Variants in METAP1 observed in about 807,000 individuals in gnomAD.
METAP1 encodes the protein methionine aminopeptidase 1.
Under a neutral mutation model 53.8 loss-of-function variants are expected in METAP1, and 28 were observed. The ratio of observed to expected loss-of-function variants is 0.52; its 90% CI spans 0.39 to 0.71. The LOEUF (loss-of-function observed/expected upper bound fraction) is 0.71. Ranked by LOEUF, METAP1 falls within the 30% of genes least tolerant of loss-of-function variation. METAP1 has a pLI of 0.00. For missense variants in METAP1, 389 were observed against 479.8 expected (o/e 0.81, Z 1.77); for synonymous variants, 181 against 165.7 (o/e 1.09, Z -0.71).
chr4:99,041,165 C>A, intron 6 of METAP1, 39 bp downstream of exon 6: 1 of 1,331,780 alleles, frequency 7.5e-7, no homozygotes, highest in Non-Finnish European at 1.0e-6. Context: ...AATTTTGTTA[C>A]ATTACTAGAT....
chr4:99,017,738 G>A (rs546951237), intron 1 of METAP1, among the ~76,000 whole-genome samples: 28 of 152,364 alleles, frequency 1.8e-4, no homozygotes, highest in Non-Finnish European at 2.9e-4. Context: ...CTTATGGGGT[G>A]TACTTACTGT....
intron 8 of METAP1, among the ~76,000 whole-genome samples, chr4:99,047,898 CT>C (rs1282109477): frequency 6.6e-6 from 1 of 152,192 alleles, no homozygotes; most frequent in Non-Finnish European, 1.5e-5. Flanking sequence ...CTTTCCTGTA[CT>C]GTACCTCTAG....
intron 1 of METAP1, among the ~76,000 whole-genome samples, chr4:99,001,812 A>G (rs1036462149): frequency 6.6e-6 from 1 of 152,242 alleles, no homozygotes; most frequent in African/African-American, 2.4e-5. Context: ...AGCTAATTCT[A>G]TATCCTTTTC....
intron 9 of METAP1, 52 bp downstream of exon 9, chr4:99,048,928 C>T (rs1289217714): frequency 2.6e-6 from 4 of 1,565,432 alleles, no homozygotes; most frequent in Non-Finnish European, 3.5e-6. Context: ...TCAACAAATA[C>T]TTATTCATAC....
intron 6 of METAP1, 122 bp downstream of exon 6, chr4:99,041,248 C>A (rs1725843466): frequency 1.9e-6 from 1 of 519,508 alleles, no homozygotes. Flanking sequence ...CATTTGAAAG[C>A]AAATTTTTGC....
intron 2 of METAP1, among the ~76,000 whole-genome samples, chr4:99,032,229 T>C (rs547065759): frequency 6.5e-4 from 99 of 152,044 alleles, no homozygotes; most frequent in Admixed American, 1.1e-3. Context: ...TTGTTTTGTT[T>C]TGTTTTGTTT....
At chr4:99,045,635 T>A (rs1726164614) in intron 8 of METAP1, among the ~76,000 whole-genome samples, 2 of 152,250 alleles carry the variant, frequency 1.3e-5, no homozygotes, top group African/African-American at 4.8e-5. Context: ...ATAAATATTA[T>A]GTTCTCCTCA....
chr4:99,010,376 C>A (rs745694806), intron 1 of METAP1, among the ~76,000 whole-genome samples: 2 of 152,146 alleles, frequency 1.3e-5, no homozygotes, highest in Non-Finnish European at 2.9e-5. Flanking sequence ...ACCCCTTGAG[C>A]CCTAAAGAGT....
intron 1 of METAP1, among the ~76,000 whole-genome samples, chr4:99,000,655 C>CTT (rs781035164): frequency 1.2e-3 from 133 of 112,660 alleles, no homozygotes; most frequent in African/African-American, 3.5e-3. Flanking sequence ...GGAAGAAAGT[C>CTT]TTTTTTTTTT....
chr4:98,995,948 G>T, intron 1 of METAP1, 81 bp downstream of exon 1: 1 of 1,171,588 alleles, frequency 8.5e-7, no homozygotes, highest in Non-Finnish European at 1.2e-6. Flanking sequence ...TCCCGCCCTT[G>T]CGGCGAGTCG....
At chr4:99,023,117 T>C (rs1267296172) in intron 1 of METAP1, 8 of 975,306 alleles carry the variant, frequency 8.2e-6, no homozygotes, top group Non-Finnish European at 1.2e-5. Flanking sequence ...CCTTCTCCGA[T>C]TCCTCTGCCT....
intron 6 of METAP1, 126 bp downstream of exon 6, chr4:99,041,252 T>A: frequency 1.9e-6 from 1 of 518,872 alleles, no homozygotes. Flanking sequence ...TGAAAGCAAA[T>A]TTTTGCTTTG....
At chr4:99,036,593 T>C (rs1422833898) in intron 4 of METAP1, among the ~76,000 whole-genome samples, 1 of 152,042 alleles carries the variant, frequency 6.6e-6, no homozygotes, top group Non-Finnish European at 1.5e-5. Flanking sequence ...TGGAAAAAAC[T>C]ATATTTACCT....
intron 9 of METAP1, among the ~76,000 whole-genome samples, chr4:99,057,303 AC>A (rs1465595773): frequency 6.6e-6 from 1 of 152,158 alleles, no homozygotes; most frequent in East Asian, 1.9e-4. Flanking sequence ...ACACATGCTT[AC>A]CCCCCAAAGC....
chr4:99,018,848 T>G (rs1244328616), intron 1 of METAP1, among the ~76,000 whole-genome samples: 1 of 152,128 alleles, frequency 6.6e-6, no homozygotes, highest in Non-Finnish European at 1.5e-5. Flanking sequence ...GGAGATCGGG[T>G]ATTACTTTCT....
At chr4:99,002,735 C>G (rs1722980159) in intron 1 of METAP1, among the ~76,000 whole-genome samples, 1 of 152,146 alleles carries the variant, frequency 6.6e-6, no homozygotes, top group Non-Finnish European at 1.5e-5. Context: ...AAGATTTCTT[C>G]CTGATACACC....
chr4:99,047,625 C>T (rs1317132491), intron 8 of METAP1, among the ~76,000 whole-genome samples: 1 of 152,064 alleles, frequency 6.6e-6, no homozygotes, highest in Non-Finnish European at 1.5e-5. Flanking sequence ...AGCTATTTAC[C>T]CTGAAATGGA....
intron 4 of METAP1, chr4:99,039,164 T>C (rs1020890316): frequency 1.5e-5 from 6 of 404,106 alleles, no homozygotes; most frequent in Admixed American, 1.3e-4. Context: ...ATTTATCTTT[T>C]AGAATTTTTT....
chr4:99,053,287 T>A (rs781056513), intron 9 of METAP1, among the ~76,000 whole-genome samples: 3 of 152,266 alleles, frequency 2.0e-5, no homozygotes, highest in Non-Finnish European at 4.4e-5. Flanking sequence ...CTCACTCTGG[T>A]TGCCCAGGCT....
Sources: allele counts gnomAD v4.1 joint callset (sites outside exome capture counted in the v4.1 genomes callset), GRCh38; gene constraint gnomAD v4.1.1; transcripts MANE v1.5; gene names NCBI Gene and HGNC (gene_info 2026-07-23, HGNC 2026-07-21).